ZNF721: variants seen among roughly 807,000 people sequenced by gnomAD.
ZNF721 encodes the protein zinc finger protein 721.
Under a neutral mutation model 2.4 loss-of-function variants are expected in ZNF721, and 2 were observed. The observed-to-expected ratio is 0.82, with a 90% CI of 0.34 to 2.58. The LOEUF (loss-of-function observed/expected upper bound fraction) is 2.58, where lower values mean the gene tolerates loss of function less well. Ranked by LOEUF, ZNF721 falls within the 30% of genes most tolerant of loss-of-function variation. ZNF721 has a pLI of 0.11. For missense variants in ZNF721, 1,187 were observed against 1,085.5 expected (o/e 1.09, Z -1.31); for synonymous variants, 398 against 381.8 (o/e 1.04, Z -0.50).
chr4:491,945 G>A (rs1553871521), intron 1 of ZNF721, among the ~76,000 whole-genome samples: 2 of 151,928 alleles, frequency 1.3e-5, no homozygotes, highest in South Asian at 4.2e-4. Flanking sequence ...ACGAGGTCAG[G>A]AGATCGAGAC....
chr4:493,190 AT>A (rs1449528179), intron 1 of ZNF721, among the ~76,000 whole-genome samples: 115 of 151,612 alleles, frequency 7.6e-4, no homozygotes, highest in East Asian at 3.9e-4. Context: ...AAAAAAAAAA[AT>A]ATGGCCTAAC....
At chr4:496,704 C>CTTCTTTTT (rs1716162784) in intron 1 of ZNF721, among the ~76,000 whole-genome samples, 1 of 126,928 alleles carries the variant, frequency 7.9e-6, no homozygotes, top group Non-Finnish European at 1.7e-5. Context: ...AAATACATGA[C>CTTCTTTTT]TTCTTTTTTT....
chr4:445,357 G>C (rs1387551061), intron 2 of ZNF721, among the ~76,000 whole-genome samples: 2 of 152,000 alleles, frequency 1.3e-5, no homozygotes, highest in Non-Finnish European at 2.9e-5. Flanking sequence ...CCAGACAAGA[G>C]ACATCCTTCC....
Position 443,131 on chromosome 4 carries a change from T to C in ZNF721, c.1336A>G (p.Lys446Glu). 6.2e-7 allele frequency: 1 copy of C among 1,613,940 alleles called. No individual in the cohort carries two copies. The highest frequency in any genetic ancestry group is 8.5e-7 in the Non-Finnish European group (1 of 1,179,882). Residue 446 changes from lysine (K) to glutamate (E), a missense_variant, in exon 3 of 3, where the codon AAA becomes GAA. By Grantham distance (56) the Lys-to-Glu change is moderately conservative. Coordinates refer to ENST00000511833, the MANE Select transcript of ZNF721 (RefSeq NM_133474.4). ...AAGGCTTTCCCACATTCTTTACATT[T>C]GTAGGGTTTATCTCCAGTATGAATT... The part of the protein sequence containing the change: ...KKIHTGDKPY[K>E]CKECGKAFIH...
At chr4:450,947 AAAAAAAAAAATATATAT>A (rs1265438632) in intron 2 of ZNF721, among the ~76,000 whole-genome samples, 3 of 44,776 alleles carry the variant, frequency 6.7e-5, no homozygotes, top group African/African-American at 1.9e-4. Flanking sequence ...CAAAAAAAAA[AAAAAAAAAAATATATAT>A]ATATATATAT....
chr4:468,958 A>G (rs1715343436), intron 2 of ZNF721, among the ~76,000 whole-genome samples: 1 of 152,220 alleles, frequency 6.6e-6, no homozygotes, highest in African/African-American at 2.4e-5. Flanking sequence ...CCTGCCTGCA[A>G]AAGAAGAAAA....
In ZNF721 at chr4:441,812, T is replaced by A. The variant is rs1187776622; in HGVS notation, c.2655A>T (p.Lys885Asn). 6.2e-7 allele frequency: 1 copy of A among 1,614,022 alleles called. No individual in the cohort carries two copies. The highest frequency in any genetic ancestry group is 8.5e-7 in the Non-Finnish European group (1 of 1,179,974). ...RQSANLYAHK[K>N]IHTGEKPYTC... ...TGTAGGGTTTCTCTCCAGTATGAAT[T>A]TTCTTATGCGCATAAAGATTTGCAG... Residue 885 changes from lysine to asparagine, a missense_variant, in exon 3 of 3, where the codon AAA becomes AAT. By Grantham distance (94) the Lys-to-Asn change is moderately conservative. Coordinates refer to ENST00000511833, the MANE Select transcript of ZNF721 (RefSeq NM_133474.4).
At chr4:461,256 T>C (rs1715060619) in intron 2 of ZNF721, among the ~76,000 whole-genome samples, 1 of 152,202 alleles carries the variant, frequency 6.6e-6, no homozygotes, top group Non-Finnish European at 1.5e-5. Context: ...TTATCCGCCA[T>C]GATCAACTCA....
At chr4:496,059 A>G (rs1423960585) in intron 1 of ZNF721, among the ~76,000 whole-genome samples, 1 of 152,162 alleles carries the variant, frequency 6.6e-6, no homozygotes, top group Non-Finnish European at 1.5e-5. Flanking sequence ...ATGTAAATAA[A>G]ATCCCTTTAG....
chr4:492,259 C>CA (rs1468327196), intron 1 of ZNF721, among the ~76,000 whole-genome samples: 3 of 151,524 alleles, frequency 2.0e-5, no homozygotes, highest in African/African-American at 7.3e-5. Context: ...GAAATTATTT[C>CA]AATAAAACAT....
rs115209223 is a variant in ZNF721 at position 442,381 on chromosome 4, G to T, written c.2086C>A (p.Pro696Thr). The T allele has an allele frequency of 3.0e-3, 4,767 of 1,613,784 alleles. 116 individuals carry two copies. The African/African-American group carries it at 0.053, about 18-fold the overall frequency. The change falls in exon 3 of 3, where the codon CCT (proline) becomes ACT (threonine). Residue 696 changes from proline to threonine, a missense_variant. By Grantham distance (38) the Pro-to-Thr change is conservative (BLOSUM62 -1). Transcript: ENST00000511833. ...QHKKIHTGEK[P>T]YKCEECGKAF... ...TTGCCACACTCTTCACATTTGTAAGGTTTTTCTCCAGTATGAATTTTCTTG... is the reference window on the plus strand; with the variant it reads ...TTGCCACACTCTTCACATTTGTAAGTTTTTTCTCCAGTATGAATTTTCTTG...
At chr4:446,688 C>G (rs1215473308) in intron 2 of ZNF721, among the ~76,000 whole-genome samples, 7 of 147,224 alleles carry the variant, frequency 4.8e-5, no homozygotes, top group African/African-American at 1.5e-4. Context: ...CCCGAATTTT[C>G]TTTTTTTTTT....
chr4:444,643 A>G (rs1714413968), intron 2 of ZNF721, among the ~76,000 whole-genome samples: 1 of 152,234 alleles, frequency 6.6e-6, no homozygotes, highest in Admixed American at 6.5e-5. Flanking sequence ...GCAATCCCTC[A>G]GGTAAGCACA....
At chr4:496,435 A>G (rs1716154778) in intron 1 of ZNF721, among the ~76,000 whole-genome samples, 1 of 152,038 alleles carries the variant, frequency 6.6e-6, no homozygotes, top group East Asian at 1.9e-4. Flanking sequence ...GGGGAAACCT[A>G]TTTAGACCCA....
Position 442,279 on chromosome 4 carries a change from G to C in ZNF721, c.2188C>G (p.Arg730Gly). Reference sequence around the variant, plus strand: ...GTGGACCATCCAAAGGATCTGCCACGATCTTCACATTTGTAGGGTTTCTCC... The same window carrying C: ...GTGGACCATCCAAAGGATCTGCCACCATCTTCACATTTGTAGGGTTTCTCC... ...TREKPYKCED[R>G]GRSFGWSTNL... Residue 730 changes from arginine to glycine, a missense_variant, in exon 3 of 3, where the codon CGT becomes GGT. Physicochemically the swap from Arg to Gly is moderately radical, Grantham distance 125 (BLOSUM62 -2). Transcript: ENST00000511833. 5 of 1,612,904 alleles carry C rather than the reference G, an allele frequency of 3.1e-6. No individual in the cohort carries two copies. Among genetic ancestry groups the C allele is most frequent in the Non-Finnish European group, 3.4e-6 (4 of 1,179,328 alleles).
At chr4:493,682 C>A (rs1483462019) in intron 1 of ZNF721, among the ~76,000 whole-genome samples, 11 of 43,686 alleles carry the variant, frequency 2.5e-4, no homozygotes, top group Admixed American at 3.3e-4. Flanking sequence ...CCATCCCCCC[C>A]GCAAAAAAAA....
At chr4:446,327 A>C (rs1456311472) in intron 2 of ZNF721, among the ~76,000 whole-genome samples, 3 of 152,188 alleles carry the variant, frequency 2.0e-5, no homozygotes, top group African/African-American at 7.2e-5. Flanking sequence ...ACCACATAAA[A>C]ATATGATTAC....
intron 1 of ZNF721, among the ~76,000 whole-genome samples, chr4:488,288 G>A (rs1715944912): frequency 6.6e-6 from 1 of 152,098 alleles, no homozygotes; most frequent in Non-Finnish European, 1.5e-5. Flanking sequence ...CTTCCTTCTG[G>A]GAACAGAAGT....
intron 1 of ZNF721, among the ~76,000 whole-genome samples, chr4:490,264 G>A (rs80256007): frequency 4.0e-5 from 6 of 151,500 alleles, no homozygotes; most frequent in Non-Finnish European, 8.8e-5. Context: ...ATCACGAGGT[G>A]AGGAGATCGA....
Sources: gnomAD v4.1 joint callset for allele counts (sites outside exome capture counted in the v4.1 genomes callset) on GRCh38, gnomAD v4.1.1 for gene constraint, MANE v1.5 for transcripts, NCBI Gene and HGNC (gene_info 2026-07-23, HGNC 2026-07-21) for gene names.